KLF8: variants seen among roughly 807,000 people sequenced by gnomAD.
The protein encoded by KLF8 is KLF transcription factor 8.
KLF8 carries 10 observed loss-of-function variants against 18.2 expected under a neutral mutation model. The observed-to-expected ratio is 0.55, with a 90% CI of 0.34 to 0.93. The LOEUF is 0.93. Among genes scored for constraint, KLF8 ranks in the 40% least tolerant of loss-of-function variants. The pLI, the probability that KLF8 is intolerant of heterozygous loss-of-function variation, is 0.02. For missense variants in KLF8, 264 were observed against 277.9 expected (o/e 0.95, Z 0.36); for synonymous variants, 109 against 97.3 (o/e 1.12, Z -0.71).
the KLF8 span, among the ~76,000 whole-genome samples, chrX:55,939,932 A>G: frequency 8.9e-6 from 1 of 112,040 alleles, no homozygotes; most frequent in Non-Finnish European, 1.9e-5. Flanking sequence ...TTCACAGCCG[A>G]ATTCTACCAG....
chrX:56,213,685 G>A, the KLF8 span, among the ~76,000 whole-genome samples: 655 of 111,128 alleles, frequency 5.9e-3, 10 homozygotes, highest in Non-Finnish European at 8.8e-3. Context: ...ATACAGCTTA[G>A]TAGTTAATAT....
At chrX:56,282,661 A>C (rs1374166848) in intron 5 of KLF8, among the ~76,000 whole-genome samples, 1 of 112,055 alleles carries the variant, frequency 8.9e-6, no homozygotes, top group Non-Finnish European at 1.9e-5. Flanking sequence ...GGTAATTTAC[A>C]GGGAGTAAAG....
chrX:55,963,881 C>A, the KLF8 span, among the ~76,000 whole-genome samples: 1 of 111,680 alleles, frequency 9.0e-6, no homozygotes, highest in African/African-American at 3.3e-5. Flanking sequence ...TAAGGCAATT[C>A]TCAACAATTT....
chrX:56,281,474 A>G (rs574924411), intron 5 of KLF8, among the ~76,000 whole-genome samples: 5 of 111,812 alleles, frequency 4.5e-5, no homozygotes, highest in South Asian at 3.8e-4. Flanking sequence ...CAGTGGTGTG[A>G]TCTCAGCTCA....
chrX:56,213,215 A>T, the KLF8 span, among the ~76,000 whole-genome samples: 1 of 108,466 alleles, frequency 9.2e-6, no homozygotes, highest in Non-Finnish European at 1.9e-5. Context: ...CTCTACCATT[A>T]CTAGTTGTGT....
At chrX:56,044,416 C>G in the KLF8 span, among the ~76,000 whole-genome samples, 1 of 112,384 alleles carries the variant, frequency 8.9e-6, no homozygotes, top group Non-Finnish European at 1.9e-5. Context: ...GCTGAGTCAA[C>G]TGAACTACAG....
chrX:56,024,560 C>T, the KLF8 span, among the ~76,000 whole-genome samples: 39 of 111,329 alleles, frequency 3.5e-4, 1 homozygote, highest in Non-Finnish European at 6.6e-4. Context: ...GTCTCAAAAT[C>T]CGAGATCCCT....
At chrX:56,210,069 G>C in the KLF8 span, among the ~76,000 whole-genome samples, 7 of 111,654 alleles carry the variant, frequency 6.3e-5, no homozygotes, top group Admixed American at 6.7e-4. Context: ...TAAGGTAAAA[G>C]TAGTTTGCAC....
At chrX:55,957,909 G>A in the KLF8 span, among the ~76,000 whole-genome samples, 3 of 111,929 alleles carry the variant, frequency 2.7e-5, no homozygotes, top group Admixed American at 9.5e-5. Flanking sequence ...CCTATAAAGT[G>A]TGCACTATTA....
the KLF8 span, among the ~76,000 whole-genome samples, chrX:56,010,417 G>T: frequency 8.9e-6 from 1 of 112,064 alleles, no homozygotes; most frequent in African/African-American, 3.2e-5. Context: ...AATGCTGAGG[G>T]AATTTGTCAG....
the KLF8 span, among the ~76,000 whole-genome samples, chrX:55,923,959 C>T: frequency 1.8e-5 from 2 of 111,302 alleles, no homozygotes; most frequent in Admixed American, 9.6e-5. Flanking sequence ...TCCCTTTACC[C>T]CAGATATTTT....
At chrX:55,942,989 C>G in the KLF8 span, among the ~76,000 whole-genome samples, 2 of 111,777 alleles carry the variant, frequency 1.8e-5, no homozygotes, top group Admixed American at 1.9e-4. Flanking sequence ...AGAGATGATT[C>G]TTCAGCTTAG....
chrX:56,161,587 C>T, the KLF8 span, among the ~76,000 whole-genome samples: 14 of 112,048 alleles, frequency 1.2e-4, no homozygotes, highest in Admixed American at 1.1e-3. Flanking sequence ...GCATTCGTCA[C>T]GTACTTCTTA....
chrX:56,142,737 T>C, the KLF8 span, among the ~76,000 whole-genome samples: 1 of 111,934 alleles, frequency 8.9e-6, no homozygotes, highest in East Asian at 2.8e-4. Context: ...CCATTTCAAA[T>C]AATGACAATT....
chrX:56,052,989 G>A, the KLF8 span, among the ~76,000 whole-genome samples: 2 of 111,843 alleles, frequency 1.8e-5, no homozygotes, highest in South Asian at 3.8e-4. Flanking sequence ...TTTTAAGCCC[G>A]TCAGAAAAGC....
chrX:56,051,519 C>T, the KLF8 span, among the ~76,000 whole-genome samples: 5 of 110,138 alleles, frequency 4.5e-5, no homozygotes, highest in South Asian at 2.0e-3. Flanking sequence ...ATTTCTCCTT[C>T]ACTTATGAAG....
the KLF8 span, among the ~76,000 whole-genome samples, chrX:56,135,002 A>C: frequency 9.0e-6 from 1 of 111,165 alleles, no homozygotes; most frequent in Non-Finnish European, 1.9e-5. Flanking sequence ...AATAAAAATC[A>C]ATACCACGAA....
the KLF8 span, among the ~76,000 whole-genome samples, chrX:56,213,107 A>G: frequency 2.4e-4 from 26 of 110,248 alleles, no homozygotes; most frequent in African/African-American, 7.9e-4. Flanking sequence ...CCTAGTTACT[A>G]ATCACCTGGT....
chrX:56,129,688 G>A, the KLF8 span, among the ~76,000 whole-genome samples: 1 of 111,393 alleles, frequency 9.0e-6, no homozygotes, highest in Admixed American at 9.5e-5. Flanking sequence ...TCGAGGGAGG[G>A]CATAAATCCA....
Sources: gnomAD v4.1 joint callset for allele counts (sites outside exome capture counted in the v4.1 genomes callset) on GRCh38, gnomAD v4.1.1 for gene constraint, MANE v1.5 for transcripts, NCBI Gene and HGNC (gene_info 2026-07-23, HGNC 2026-07-21) for gene names.